PIEZO1: variants seen among roughly 807,000 people sequenced by gnomAD.
PIEZO1 encodes the protein piezo-type mechanosensitive ion channel component 1.
A neutral mutation model predicts 297.2 loss-of-function variants in PIEZO1; 296 were observed. That is an observed-to-expected ratio of 1.00 (90% CI 0.91 to 1.10). The LOEUF (loss-of-function observed/expected upper bound fraction) is 1.10. Among genes scored for constraint, PIEZO1 ranks in the 50% least tolerant of loss-of-function variants. The pLI is 0.00. For missense variants in PIEZO1, 5,018 were observed against 3,455.5 expected (o/e 1.45, Z -11.34); for synonymous variants, 2,427 against 1,507.5 (o/e 1.61, Z -14.13).
chr16:88,768,720 C>T (rs919274693), intron 1 of PIEZO1, among the ~76,000 whole-genome samples: 2 of 152,200 alleles, frequency 1.3e-5, no homozygotes, highest in Admixed American at 6.5e-5. Context: ...CAGTGAGGGG[C>T]TGGCTGACCG....
chr16:88,783,043 C>T (rs1908007626), intron 1 of PIEZO1, among the ~76,000 whole-genome samples: 1 of 152,110 alleles, frequency 6.6e-6, no homozygotes, highest in Non-Finnish European at 1.5e-5. Flanking sequence ...AAGTACCATA[C>T]AGACAGACAG....
chr16:88,757,666 A>C (rs1906741983), intron 1 of PIEZO1, among the ~76,000 whole-genome samples: 1 of 152,158 alleles, frequency 6.6e-6, no homozygotes, highest in Admixed American at 6.5e-5. Flanking sequence ...GTTGGAGTCC[A>C]TGACCTGGGG....
intron 10 of PIEZO1, 121 bp downstream of exon 10, chr16:88,737,437 AG>A (rs1905296298): frequency 1.5e-6 from 1 of 651,182 alleles, no homozygotes; most frequent in East Asian, 2.9e-5. Flanking sequence ...TGGGCCCCCG[AG>A]GGGGCGGCAG....
chr16:88,753,525 C>T (rs892591250), intron 1 of PIEZO1, among the ~76,000 whole-genome samples: 6 of 152,110 alleles, frequency 3.9e-5, no homozygotes, highest in South Asian at 2.1e-4. Flanking sequence ...TTGGGGTCCT[C>T]GGAGTAGCCG....
intron 1 of PIEZO1, among the ~76,000 whole-genome samples, chr16:88,771,012 G>A (rs1452565651): frequency 6.6e-6 from 1 of 152,100 alleles, no homozygotes; most frequent in Admixed American, 6.5e-5. Flanking sequence ...GGCCTGGGCG[G>A]AGCAGCTCCA....
intron 44 of PIEZO1, chr16:88,717,861 G>A: frequency 2.3e-6 from 1 of 429,384 alleles, no homozygotes; most frequent in Non-Finnish European, 4.6e-6. Flanking sequence ...TGCTGGGTGT[G>A]GCGGCTCACA....
intron 1 of PIEZO1, among the ~76,000 whole-genome samples, chr16:88,755,953 G>A (rs1906635336): frequency 6.6e-6 from 1 of 152,144 alleles, no homozygotes; most frequent in South Asian, 2.1e-4. Flanking sequence ...CAGAGCCTCG[G>A]AGCGGGGAGG....
At position 88,732,421 on chromosome 16, in the gene PIEZO1, TG is replaced by T. The variant is rs1287162511; in HGVS notation, c.2904del (p.Ser969AlafsTer33). On this transcript the variant is annotated frameshift_variant, in exon 21 of 51. Coordinates refer to ENST00000301015, the MANE Select transcript of PIEZO1 (RefSeq NM_001142864.4). LOFTEE classifies it high-confidence loss of function. ...TGGTCCAGCTGCTGGCGGGTGCCGC[TG>T]GCAAACACGGCCTGGGCAGGCAGCG... Reference protein sequence around the residue: ...LAPLPAQAVFASGTRQQLDQD... With the variant: ...LAPLPAQAVFXSGTRQQLDQD... The T allele has an allele frequency of 1.3e-6, 2 of 1,549,730 alleles. No homozygotes were observed. Among genetic ancestry groups the T allele is most frequent in the Non-Finnish European group, 1.7e-6 (2 of 1,146,532 alleles).
chr16:88,753,199 G>T (rs1208475890), intron 1 of PIEZO1, among the ~76,000 whole-genome samples: 1 of 45,344 alleles, frequency 2.2e-5, no homozygotes, highest in Non-Finnish European at 4.2e-5. Context: ...AGCACACCCC[G>T]CCCCCCAGAG....
intron 1 of PIEZO1, among the ~76,000 whole-genome samples, chr16:88,772,844 T>G (rs1907487553): frequency 6.6e-6 from 1 of 150,712 alleles, no homozygotes; most frequent in Admixed American, 6.6e-5. Flanking sequence ...GCCGCAGCCC[T>G]GGCTCAGTCT....
chr16:88,717,122 G>A lies in PIEZO1; in HGVS notation c.6561C>T (p.Ile2187=). 1 of 1,551,380 alleles carries A rather than the reference G, an allele frequency of 6.4e-7. No individual in the cohort carries two copies. Among genetic ancestry groups the A allele is most frequent in the Non-Finnish European group, 8.7e-7 (1 of 1,147,170 alleles). ...GCGACATGAAGAGCAGTGGGAACCA[G>A]ATGATGGCGATGAGGAAGAGGATGA... ...GLIILFLIAI[I]WFPLLFMSLV... is the part of the protein sequence containing the mutation. Residue 2187 remains isoleucine (I), a synonymous_variant, in exon 45 of 51, where the codon ATC becomes ATT. Coordinates refer to ENST00000301015, the MANE Select transcript of PIEZO1 (RefSeq NM_001142864.4).
Position 88,723,212 on chromosome 16 carries a change from G to GC in PIEZO1, c.4438+13dup, listed in dbSNP as rs1397347963. 4.1e-5 allele frequency: 63 copies of GC among 1,548,254 alleles called. 1 individual carries two copies. Among genetic ancestry groups the GC allele is most frequent in the Admixed American group, 9.8e-5 (5 of 50,978 alleles). On this transcript the variant is annotated intron_variant, in intron 32 of 50. Transcript: ENST00000301015. Reference sequence around the variant, plus strand: ...CGCGGCTTCCCCTCAGAGTCCCCACGCCCCCCAGCTCACCTGTGGGTAGCT... The same window carrying GC: ...CGCGGCTTCCCCTCAGAGTCCCCACGCCCCCCCAGCTCACCTGTGGGTAGCT...
intron 21 of PIEZO1, 105 bp downstream of exon 21, chr16:88,732,230 G>A (rs903570849): frequency 2.1e-5 from 21 of 1,018,884 alleles, no homozygotes; most frequent in Non-Finnish European, 2.8e-5. Context: ...CTGTGGCCCA[G>A]GCAAACCCAG....
In PIEZO1 at chr16:88,720,611, C is replaced by T; in HGVS notation, c.5801+5G>A. 6.5e-7 allele frequency: 1 copy of T among 1,544,222 alleles called. No individual in the cohort carries two copies. Among genetic ancestry groups the T allele is most frequent in the Non-Finnish European group, 8.7e-7 (1 of 1,145,360 alleles). On this transcript the variant is annotated splice_donor_5th_base_variant and intron_variant, in intron 40 of 50. Transcript: ENST00000301015. ...CCCCAGCTGCCCCCGGCCGCCATCACTCACAGGGACAGGCAGAAGCCCTGC... is the reference window on the plus strand; with the variant it reads ...CCCCAGCTGCCCCCGGCCGCCATCATTCACAGGGACAGGCAGAAGCCCTGC...
chr16:88,715,621 G>C lies in PIEZO1; in HGVS notation c.7550C>G (p.Thr2517Ser), dbSNP rs559557496. 261 of 1,550,000 alleles carry C rather than the reference G, an allele frequency of 1.7e-4. 1 individual carries two copies. In the South Asian group the frequency reaches 2.5e-3, roughly 15 times the overall value. The change falls in exon 51 of 51, where the codon ACT (threonine) becomes AGT (serine). Residue 2517 changes from threonine (T) to serine (S), a missense_variant. Coordinates refer to ENST00000301015, the MANE Select transcript of PIEZO1 (RefSeq NM_001142864.4). The part of the protein sequence containing the change: ...YRSPETMIKW[T>S]REKE ...CAGCAGCTCCTACTCCTTCTCACGA[G>C]TCCACTTGATCATGGTCTCCGGTGA...
chr16:88,743,517 G>C (rs1257388571), intron 2 of PIEZO1: 1 of 456,312 alleles, frequency 2.2e-6, no homozygotes. Context: ...GGTCCAAGGT[G>C]GTGAATGTCA....
rs773755092 is a variant in PIEZO1 at position 88,722,739 on chromosome 16, C to T, written c.4669-50G>A. The T allele has an allele frequency of 2.2e-5, 33 of 1,528,378 alleles. No homozygotes were observed. The Middle Eastern group carries it at 6.8e-4, about 31-fold the overall frequency. 94.7% of individuals were successfully genotyped at this position (1,528,378 alleles called of 1,614,324 possible). On this transcript the variant is annotated intron_variant, in intron 34 of 50. Transcript: ENST00000301015. ...GGGCTGCGTCCAGCTCTTGTCCCCA[C>T]ACGGGGTTTCGTGCAGTGGGCGCGG...
At chr16:88,769,408 G>A (rs1464540242) in intron 1 of PIEZO1, among the ~76,000 whole-genome samples, 1 of 152,188 alleles carries the variant, frequency 6.6e-6, no homozygotes, top group Non-Finnish European at 1.5e-5. Flanking sequence ...AGTCAGGCCT[G>A]GAATTTTCCG....
rs1157739141 is a variant in PIEZO1 at position 88,738,693 on chromosome 16, A to T, written c.509T>A (p.Leu170Gln). 2.6e-6 allele frequency: 4 copies of T among 1,534,130 alleles called. No individual in the cohort carries two copies. Among genetic ancestry groups the T allele is most frequent in the Non-Finnish European group, 3.5e-6 (4 of 1,145,494 alleles). The change falls in exon 6 of 51, where the codon CTG becomes CAG. Residue 170 changes from leucine (L) to glutamine (Q), a missense_variant. By Grantham distance (113) the Leu-to-Gln change is moderately radical. Coordinates refer to ENST00000301015, the MANE Select transcript of PIEZO1 (RefSeq NM_001142864.4). ...AGGGGCCAGCGTTGCTGCTTCCTGCAGCCCTGCCGTCGGGCTGGCATCCAC... is the reference window on the plus strand; with the variant it reads ...AGGGGCCAGCGTTGCTGCTTCCTGCTGCCCTGCCGTCGGGCTGGCATCCAC... ...RDVDASPTAG[L>Q]QEAATLAPTR...
Sources: allele counts gnomAD v4.1 joint callset (sites outside exome capture counted in the v4.1 genomes callset), GRCh38; gene constraint gnomAD v4.1.1; transcripts MANE v1.5; gene names NCBI Gene and HGNC (gene_info 2026-07-23, HGNC 2026-07-21).